Variants in COL17A1 observed in about 807,000 individuals in gnomAD.
The protein encoded by COL17A1 is collagen type XVII alpha 1 chain, also known as collagen alpha-1(XVII) chain.
COL17A1 carries 181 observed loss-of-function variants against 218.4 expected under a neutral mutation model. That is an observed-to-expected ratio of 0.83 (90% CI 0.73 to 0.94). The LOEUF (loss-of-function observed/expected upper bound fraction) is 0.94, where lower values mean the gene tolerates loss of function less well. Among genes scored for constraint, COL17A1 ranks in the 40% least tolerant of loss-of-function variants. The pLI is 0.00. For synonymous variants in COL17A1, 721 were observed against 731.0 expected, an observed-to-expected ratio of 0.99 and a Z score of 0.22; for missense variants, 1,924 against 1,945.9, an observed-to-expected ratio of 0.99 and a Z score of 0.21.
At chr10:104,035,657 T>C (rs2086273292) in intron 48 of COL17A1, 94 bp from the exon 49 acceptor site, 1 of 992,524 alleles carries the variant, frequency 1.0e-6, no homozygotes, top group South Asian at 1.5e-5. Context: ...TGGACAGAAG[T>C]GGGGTCCAAG....
At chr10:104,039,677 C>A (rs371625207) in intron 41 of COL17A1, 37 bp from the exon 42 acceptor site, 301 of 1,613,886 alleles carry the variant, frequency 1.9e-4, no homozygotes, top group Non-Finnish European at 2.3e-4. Context: ...GTCAGCCTCA[C>A]TTTTCTCACC....
At chr10:104,076,549 T>TGAAAGGGGCC in intron 4 of COL17A1, 120 bp from the exon 5 acceptor site, 2 of 1,332,360 alleles carry the variant, frequency 1.5e-6, no homozygotes, top group South Asian at 2.4e-5. Flanking sequence ...AGGGCACAGC[T>TGAAAGGGGCC]GAAAGGGGCC....
At chr10:104,036,810 G>C (rs901248483) in intron 47 of COL17A1, among the ~76,000 whole-genome samples, 178 bp from the exon 48 acceptor site, 30 of 152,274 alleles carry the variant, frequency 2.0e-4, no homozygotes, top group Middle Eastern at 3.4e-3. Flanking sequence ...GTTCCCAAAG[G>C]GACACCTGCC....
intron 1 of COL17A1, among the ~76,000 whole-genome samples, chr10:104,081,191 T>G (rs115710890): frequency 4.6e-5 from 7 of 152,168 alleles, no homozygotes; most frequent in Middle Eastern, 3.2e-3. Context: ...TGGATTTAAA[T>G]CAGGATAAAA....
At chr10:104,040,842 G>T (rs540362826) in intron 39 of COL17A1, among the ~76,000 whole-genome samples, 2 of 152,298 alleles carry the variant, frequency 1.3e-5, no homozygotes, top group Admixed American at 1.3e-4. Flanking sequence ...CTCCCCAAGG[G>T]CAGAGCTGGC....
At position 104,061,449 on chromosome 10, in the gene COL17A1, G is replaced by A. The variant is rs2086582121; in HGVS notation, c.935C>T (p.Pro312Leu). The change falls in exon 13 of 56, where the codon CCC (proline) becomes CTC (leucine). Residue 312 changes from proline to leucine, a missense_variant. By Grantham distance (98) the Pro-to-Leu change is moderately conservative. Coordinates refer to ENST00000648076, the MANE Select transcript of COL17A1 (RefSeq NM_000494.4). ...STAYGVKKNM[P>L]QSPAAVNTGV... is the part of the protein sequence containing the mutation. The stretch of plus-strand genomic sequence containing the variant: ...AGTGTTCACAGCCGCAGGACTCTGG[G>A]GCATGTTTTTCTTCACCCCATATGC... The A allele has an allele frequency of 1.2e-5, 20 of 1,613,604 alleles. No individual in the cohort carries two copies. The highest frequency in any genetic ancestry group is 1.7e-5 in the Non-Finnish European group (20 of 1,179,872).
At chr10:104,050,826 C>T (rs375335262) in intron 26 of COL17A1, 22 bp downstream of exon 26, 3 of 1,614,138 alleles carry the variant, frequency 1.9e-6, no homozygotes, top group Admixed American at 1.7e-5. Context: ...TCACTGTCCC[C>T]CCAGGCCTCC....
chr10:104,055,746 CAG>C, intron 18 of COL17A1, 34 bp downstream of exon 18: 1 of 1,612,042 alleles, frequency 6.2e-7, no homozygotes, highest in Non-Finnish European at 8.5e-7. Context: ...GAAAGGGACT[CAG>C]GGGAGCTGGC....
At chr10:104,044,784 G>A (rs1450676007) in intron 33 of COL17A1, among the ~76,000 whole-genome samples, 1 of 152,108 alleles carries the variant, frequency 6.6e-6, no homozygotes, top group African/African-American at 2.4e-5. Context: ...AAAAAGGGAA[G>A]GTTTCTGTTA....
intron 13 of COL17A1, among the ~76,000 whole-genome samples, chr10:104,060,789 T>G (rs2086575859): frequency 6.6e-6 from 1 of 152,222 alleles, no homozygotes; most frequent in Non-Finnish European, 1.5e-5. Flanking sequence ...TCTTGCATAC[T>G]TTATGTGTTT....
At chr10:104,064,735 G>A (rs2086612858) in intron 9 of COL17A1, 139 bp from the exon 10 acceptor site, 3 of 810,854 alleles carry the variant, frequency 3.7e-6, no homozygotes, top group Admixed American at 2.0e-5. Flanking sequence ...CTCAGTCCAG[G>A]AACCTGGGGT....
At chr10:104,062,451 CT>C (rs1326171268) in intron 11 of COL17A1, 122 bp from the exon 12 acceptor site, 6 of 1,330,078 alleles carry the variant, frequency 4.5e-6, no homozygotes, top group African/African-American at 1.4e-5. Context: ...GATTCCCAAA[CT>C]TCCTCGGTTC....
At chr10:104,067,556 C>A (rs1338438260) in intron 9 of COL17A1, among the ~76,000 whole-genome samples, 1 of 152,072 alleles carries the variant, frequency 6.6e-6, no homozygotes, top group Non-Finnish European at 1.5e-5. Flanking sequence ...CAAAGCTGTC[C>A]ATCTTGCAGA....
intron 2 of COL17A1, among the ~76,000 whole-genome samples, chr10:104,079,842 G>A (rs2086748736): frequency 6.6e-6 from 1 of 151,314 alleles, no homozygotes; most frequent in African/African-American, 2.4e-5. Context: ...CAGGAGAATG[G>A]CTTGAACCTG....
intron 2 of COL17A1, 109 bp downstream of exon 2, chr10:104,080,513 C>T: frequency 1.5e-6 from 2 of 1,312,112 alleles, no homozygotes; most frequent in Non-Finnish European, 2.1e-6. Flanking sequence ...CACACTTAAA[C>T]ATGATACAGT....
chr10:104,041,565 G>T, intron 36 of COL17A1, 27 bp from the exon 37 acceptor site: 4 of 1,602,648 alleles, frequency 2.5e-6, no homozygotes, highest in Non-Finnish European at 3.4e-6. Flanking sequence ...ATAGAAATGA[G>T]CAAAAGCTGT....
intron 2 of COL17A1, 143 bp downstream of exon 2, chr10:104,080,479 G>T: frequency 2.2e-6 from 2 of 918,844 alleles, no homozygotes; most frequent in Non-Finnish European, 3.3e-6. Flanking sequence ...TGTCTTATGA[G>T]AAGGATTAAA....
At chr10:104,049,535 G>T in intron 28 of COL17A1, 64 bp from the exon 29 acceptor site, 1 of 1,540,850 alleles carries the variant, frequency 6.5e-7, no homozygotes, top group Non-Finnish European at 9.0e-7. Context: ...AACAATGGTG[G>T]TCTGCTCCCT....
chr10:104,032,234 C>T lies in COL17A1; in HGVS notation c.*1G>A. The stretch of plus-strand genomic sequence containing the variant: ...CCAGGAGCTGTCCTGCCATGGCTAG[C>T]TCACGGCTTGACAGCAATACTTCTT... On this transcript the variant is annotated 3_prime_UTR_variant, in exon 56 of 56. Coordinates refer to ENST00000648076, the MANE Select transcript of COL17A1 (RefSeq NM_000494.4). The T allele has an allele frequency of 6.2e-7, 1 of 1,613,504 alleles. No homozygotes were observed. Among genetic ancestry groups the T allele is most frequent in the Non-Finnish European group, 8.5e-7 (1 of 1,179,464 alleles).
Sources: gnomAD v4.1 joint callset for allele counts (sites outside exome capture counted in the v4.1 genomes callset) on GRCh38, gnomAD v4.1.1 for gene constraint, MANE v1.5 for transcripts, NCBI Gene and HGNC (gene_info 2026-07-23, HGNC 2026-07-21) for gene names.